FAT3: variants seen among roughly 807,000 people sequenced by gnomAD.
FAT3 encodes the protein FAT atypical cadherin 3, also known as protocadherin Fat 3.
FAT3 carries 95 observed loss-of-function variants against 310.2 expected under a neutral mutation model. The observed-to-expected ratio is 0.31, with a 90% CI of 0.26 to 0.36. The LOEUF (loss-of-function observed/expected upper bound fraction) is 0.36. Among genes scored for constraint, FAT3 ranks in the 10% least tolerant of loss-of-function variants. FAT3 has a pLI of 1.00. For missense variants in FAT3, 5,408 were observed against 5,715.6 expected (o/e 0.95, Z 1.74); for synonymous variants, 2,314 against 2,192.9 (o/e 1.06, Z -1.54).
intron 1 of FAT3, among the ~76,000 whole-genome samples, chr11:92,285,719 A>G (rs1254753241): frequency 2.0e-5 from 3 of 152,162 alleles, no homozygotes; most frequent in East Asian, 1.9e-4. Context: ...TCCCTTGCGC[A>G]TGTCCTGTTT....
chr11:92,333,689 TTC>T (rs1425727610), intron 1 of FAT3, among the ~76,000 whole-genome samples: 1 of 152,130 alleles, frequency 6.6e-6, no homozygotes, highest in Non-Finnish European at 1.5e-5. Context: ...CAAATTATCA[TTC>T]TCTCTACTTC....
At position 92,831,827 on chromosome 11, in the gene FAT3, T is replaced by TA; in HGVS notation, c.9689dup (p.Asn3230LysfsTer2). ...CTGTCACCATCACCGTTCTGGACATTAATGACAACCCCCCTGTGTTTGAGA... is the reference window on the plus strand; with the variant it reads ...CTGTCACCATCACCGTTCTGGACATTAAATGACAACCCCCCTGTGTTTGAGA... On this transcript the variant is annotated frameshift_variant, in exon 14 of 28. Coordinates refer to ENST00000525166, the MANE Select transcript of FAT3 (RefSeq NM_001367949.2). LOFTEE classifies it high-confidence loss of function. 6.2e-7 allele frequency: 1 copy of TA among 1,613,680 alleles called. No individual in the cohort carries two copies.
At chr11:92,867,321 C>A in intron 22 of FAT3, 112 bp downstream of exon 22, 1 of 1,114,832 alleles carries the variant, frequency 9.0e-7, no homozygotes, top group Non-Finnish European at 1.2e-6. Context: ...GAGGAGTATT[C>A]ACACCCAAGA....
intron 3 of FAT3, among the ~76,000 whole-genome samples, chr11:92,639,547 A>C (rs1186959769): frequency 6.6e-6 from 1 of 151,932 alleles, no homozygotes; most frequent in African/African-American, 2.4e-5. Context: ...TCCCTAACTT[A>C]CCTGGCCTGC....
intron 3 of FAT3, among the ~76,000 whole-genome samples, chr11:92,638,131 T>C (rs1051510295): frequency 1.8e-4 from 28 of 152,334 alleles, no homozygotes; most frequent in Admixed American, 1.7e-3. Context: ...CTCTGTCAGA[T>C]GCCTTTCAGA....
At chr11:92,628,704 G>T (rs537323064) in intron 3 of FAT3, among the ~76,000 whole-genome samples, 1 of 152,224 alleles carries the variant, frequency 6.6e-6, no homozygotes, top group Non-Finnish European at 1.5e-5. Context: ...TTAGGAGATT[G>T]TCCACTCTTG....
chr11:92,858,475 T>C (rs2136325326), intron 20 of FAT3, among the ~76,000 whole-genome samples: 1 of 152,306 alleles, frequency 6.6e-6, no homozygotes, highest in East Asian at 1.9e-4. Context: ...TTTCCACATA[T>C]TCCACCTTTC....
intron 3 of FAT3, among the ~76,000 whole-genome samples, chr11:92,647,569 C>T (rs1005714932): frequency 5.3e-5 from 8 of 152,124 alleles, no homozygotes; most frequent in African/African-American, 1.9e-4. Flanking sequence ...ATCTAGGAAA[C>T]AGATGATAAT....
chr11:92,474,972 C>G (rs1565345159), intron 2 of FAT3, among the ~76,000 whole-genome samples: 1 of 152,192 alleles, frequency 6.6e-6, no homozygotes. Flanking sequence ...TGATCTGCAC[C>G]TGGCAGGCCT....
intron 3 of FAT3, among the ~76,000 whole-genome samples, chr11:92,566,628 C>G (rs1413084315): frequency 2.6e-5 from 4 of 151,316 alleles, no homozygotes; most frequent in Admixed American, 6.6e-5. Flanking sequence ...CACTACCTGA[C>G]TTCAAACTAT....
chr11:92,773,417 A>G (rs532430514), intron 6 of FAT3, among the ~76,000 whole-genome samples: 2 of 152,172 alleles, frequency 1.3e-5, no homozygotes, highest in Non-Finnish European at 2.9e-5. Context: ...CTGCCTTTTT[A>G]GGAGAAAAAT....
At chr11:92,379,192 C>T (rs1949429574) in intron 2 of FAT3, among the ~76,000 whole-genome samples, 1 of 152,108 alleles carries the variant, frequency 6.6e-6, no homozygotes, top group African/African-American at 2.4e-5. Context: ...GCTTGTTCCA[C>T]AAGTGATTTT....
At chr11:92,431,602 A>C (rs1950780543) in intron 2 of FAT3, among the ~76,000 whole-genome samples, 1 of 152,068 alleles carries the variant, frequency 6.6e-6, no homozygotes, top group South Asian at 2.1e-4. Context: ...TATGTCCTGA[A>C]TGGTATTGCC....
intron 2 of FAT3, among the ~76,000 whole-genome samples, chr11:92,469,708 G>A (rs1271036489): frequency 1.3e-5 from 2 of 148,376 alleles, no homozygotes; most frequent in South Asian, 4.2e-4. Context: ...GTAGAGATGG[G>A]GTTTCATCAT....
In FAT3 at chr11:92,366,928, G is replaced by A. The variant is rs1365688215; in HGVS notation, c.3292+11524G>A. On this transcript the variant is annotated intron_variant, in intron 2 of 27. Coordinates refer to ENST00000525166, the MANE Select transcript of FAT3 (RefSeq NM_001367949.2). ...ACCTCCAGATCTTTACCTGGGCCTC[G>A]CCATGCTTTGCAGCAGTTTCTGCTT... is the stretch of plus-strand genomic sequence containing the variant. 1.1e-5 allele frequency: 6 copies of A among 531,010 alleles called. No homozygotes were observed. The East Asian group carries it at 3.1e-4, about 27-fold the overall frequency. 32.9% of individuals were successfully genotyped at this position (531,010 alleles called of 1,614,324 possible).
Position 92,430,419 on chromosome 11 carries a change from T to A in FAT3, c.3292+75015T>A, listed in dbSNP as rs1161350531. 2.6e-5 allele frequency among the ~76,000 whole-genome samples: 4 copies of A among 152,150 alleles called. No individual in the cohort carries two copies. The East Asian group carries it at 7.7e-4, about 29-fold the overall frequency. Reference sequence around the variant, plus strand: ...CTTTGGAGGAGAAGAGGCATTCTGGTTTTTGGAATTTTCCGCCTTTTGCAC... The same window carrying A: ...CTTTGGAGGAGAAGAGGCATTCTGGATTTTGGAATTTTCCGCCTTTTGCAC... On this transcript the variant is annotated intron_variant, in intron 2 of 27. Transcript: ENST00000525166.
intron 1 of FAT3, among the ~76,000 whole-genome samples, chr11:92,344,170 T>C (rs567068372): frequency 3.9e-5 from 6 of 152,314 alleles, no homozygotes; most frequent in Admixed American, 1.3e-4. Context: ...CACTTATCCA[T>C]GGTTTCACTT....
intron 19 of FAT3, among the ~76,000 whole-genome samples, chr11:92,849,814 G>T (rs1001957183): frequency 1.3e-5 from 2 of 152,162 alleles, no homozygotes; most frequent in East Asian, 1.9e-4. Context: ...CCTGGGTGGG[G>T]TGCTGGAGAT....
intron 3 of FAT3, among the ~76,000 whole-genome samples, chr11:92,526,669 T>C (rs1338675363): frequency 6.6e-6 from 1 of 152,244 alleles, no homozygotes; most frequent in Non-Finnish European, 1.5e-5. Context: ...AGCTTTCTTT[T>C]ATATGGCTTT....
Sources: gnomAD v4.1 joint callset for allele counts (sites outside exome capture counted in the v4.1 genomes callset) on GRCh38, gnomAD v4.1.1 for gene constraint, MANE v1.5 for transcripts, NCBI Gene and HGNC (gene_info 2026-07-23, HGNC 2026-07-21) for gene names.